ANLN: variants seen among roughly 807,000 people sequenced by gnomAD.
The protein encoded by ANLN is anillin, actin binding protein.
A neutral mutation model predicts 135.1 loss-of-function variants in ANLN; 59 were observed. That is an observed-to-expected ratio of 0.44 (90% CI 0.35 to 0.54). The LOEUF is 0.54. Among genes scored for constraint, ANLN ranks in the 20% least tolerant of loss-of-function variants. The probability of loss-of-function intolerance (pLI) is 0.00; values close to 1 mark genes in which losing one functional copy is unlikely to be tolerated. For missense variants in ANLN, 1,182 were observed against 1,340.0 expected, an observed-to-expected ratio of 0.88 and a Z score of 1.84; for synonymous variants, 406 against 456.4, an observed-to-expected ratio of 0.89 and a Z score of 1.41.
chr7:36,399,582 T>A (rs1461771965), intron 3 of ANLN, among the ~76,000 whole-genome samples, 189 bp downstream of exon 3: 1 of 152,210 alleles, frequency 6.6e-6, no homozygotes. Context: ...CTGAAGTAGA[T>A]CACGATGTGG....
At chr7:36,401,219 TAGA>T (rs1012521037) in intron 3 of ANLN, among the ~76,000 whole-genome samples, 1 of 152,252 alleles carries the variant, frequency 6.6e-6, no homozygotes, top group African/African-American at 2.4e-5. Context: ...CTTCATTTTA[TAGA>T]AGAAGGAAAC....
chr7:36,393,916 G>T (rs939137936), intron 1 of ANLN, among the ~76,000 whole-genome samples: 1 of 152,350 alleles, frequency 6.6e-6, no homozygotes, highest in South Asian at 2.1e-4. Flanking sequence ...TTTTTTAAGT[G>T]TAGGGAGTTT....
intron 11 of ANLN, 112 bp from the exon 12 acceptor site, chr7:36,420,485 A>T: frequency 7.9e-7 from 1 of 1,266,014 alleles, no homozygotes; most frequent in Non-Finnish European, 1.1e-6. Flanking sequence ...CTGTTGTGAA[A>T]TGTTCTGCTG....
At position 36,449,780 on chromosome 7, in the gene ANLN, GAGA is replaced by G; in HGVS notation, c.3198_3200del (p.Glu1066del). 1 of 1,614,090 alleles carries G rather than the reference GAGA, an allele frequency of 6.2e-7. No homozygotes were observed. Among genetic ancestry groups the G allele is most frequent in the Non-Finnish European group, 8.5e-7 (1 of 1,179,968 alleles). ...GAATTAATTACTGTCCGACCACAAA[GAGA>G]AGATGACCGAGAGACTCTTGTCAGC... is the stretch of plus-strand genomic sequence containing the variant. On this transcript the variant is annotated inframe_deletion, in exon 23 of 24. Transcript: ENST00000265748.
At chr7:36,412,964 C>CT (rs141631411) in intron 7 of ANLN, among the ~76,000 whole-genome samples, 18,127 of 152,154 alleles carry the variant, frequency 0.12, 1,131 homozygotes, top group East Asian at 0.19. Flanking sequence ...AAGTGTCCCA[C>CT]TTTTTTTCAC....
intron 11 of ANLN, 35 bp from the exon 12 acceptor site, chr7:36,420,562 T>A (rs1187023882): frequency 1.3e-6 from 2 of 1,576,090 alleles, no homozygotes; most frequent in Non-Finnish European, 1.7e-6. Flanking sequence ...AGTGTGTTGC[T>A]GGATTTCTAA....
At chr7:36,431,466 C>A (rs971025005) in intron 20 of ANLN, among the ~76,000 whole-genome samples, 3 of 151,194 alleles carry the variant, frequency 2.0e-5, no homozygotes, top group Non-Finnish European at 2.9e-5. Context: ...ACACTTCCAT[C>A]TTCCTTTCTA....
At chr7:36,437,821 G>T (rs1788608993) in intron 20 of ANLN, among the ~76,000 whole-genome samples, 1 of 151,792 alleles carries the variant, frequency 6.6e-6, no homozygotes, top group Admixed American at 6.6e-5. Flanking sequence ...GCCCAGGCTG[G>T]AGTGCAATGG....
At chr7:36,409,124 G>T (rs544452350) in intron 5 of ANLN, among the ~76,000 whole-genome samples, 9 of 152,280 alleles carry the variant, frequency 5.9e-5, no homozygotes, top group African/African-American at 2.2e-4. Context: ...GATGGAATAG[G>T]ACTAGTTAGT....
Position 36,419,311 on chromosome 7 carries a change from C to CCT in ANLN, c.1704_1705dup (p.Phe569SerfsTer6). On this transcript the variant is annotated frameshift_variant, in exon 10 of 24. Transcript: ENST00000265748. LOFTEE classifies it high-confidence loss of function. ...TCAATAGTTCGAAAGTAATTAATGA[C>CCT]CTCTTCAGTGATGTCCTAGAGGAAG... The CCT allele has an allele frequency of 6.2e-7, 1 of 1,613,962 alleles. No homozygotes were observed. Among genetic ancestry groups the CCT allele is most frequent in the Non-Finnish European group, 8.5e-7 (1 of 1,179,990 alleles).
chr7:36,439,127 A>G, intron 20 of ANLN, 77 bp from the exon 21 acceptor site: 1 of 871,678 alleles, frequency 1.1e-6, no homozygotes, highest in Non-Finnish European at 1.9e-6. Flanking sequence ...GTCTCTGTTC[A>G]TGATTTATAC....
intron 11 of ANLN, 54 bp from the exon 12 acceptor site, chr7:36,420,543 A>G: frequency 3.4e-6 from 5 of 1,463,550 alleles, no homozygotes; most frequent in East Asian, 2.3e-5. Flanking sequence ...TCAATAAAGG[A>G]TAGTGCTCAG....
rs1286386000 is a variant in ANLN at position 36,419,425 on chromosome 7, C to T, written c.1815C>T (p.Ser605=). 3.7e-6 allele frequency: 6 copies of T among 1,614,094 alleles called. No individual in the cohort carries two copies. The highest frequency in any genetic ancestry group is 4.2e-6 in the Non-Finnish European group (5 of 1,180,008). ...SEEQEDALNI[S]SMSLLAPLAQ... is the part of the protein sequence containing the mutation. ...AACAGGAAGATGCACTGAATATCTC[C>T]TCAATGTCTTTACTTGCACCATTGG... Residue 605 remains serine (S), a synonymous_variant, in exon 10 of 24, where the codon TCC becomes TCT. Coordinates refer to ENST00000265748, the MANE Select transcript of ANLN (RefSeq NM_018685.5).
chr7:36,427,746 ACTT>A (rs1788145250), intron 20 of ANLN, among the ~76,000 whole-genome samples: 2 of 152,228 alleles, frequency 1.3e-5, no homozygotes, highest in Admixed American at 6.5e-5. Context: ...TTAGAAAAGT[ACTT>A]ACGAATCTAA....
chr7:36,415,714 A>T lies in ANLN; in HGVS notation c.1396-44A>T, dbSNP rs199798944. 1.5e-5 allele frequency: 23 copies of T among 1,522,310 alleles called. No individual in the cohort carries two copies. The African/African-American group carries it at 3.1e-4, about 20-fold the overall frequency. The allele number at this position is 1,522,310 out of a possible 1,614,324, so 94.3% of individuals were successfully genotyped here. ...TTAATAACATAGAAAGATAAAATAT[A>T]TAGTTTTGAGAAATAAAATTTACTT... is the stretch of plus-strand genomic sequence containing the variant. On this transcript the variant is annotated intron_variant, in intron 7 of 23. Transcript: ENST00000265748.
intron 20 of ANLN, among the ~76,000 whole-genome samples, chr7:36,434,380 T>C (rs535629237): frequency 6.6e-6 from 1 of 152,278 alleles, no homozygotes; most frequent in African/African-American, 2.4e-5. Flanking sequence ...TTGGGGAGAA[T>C]TGGCAGGTAG....
intron 20 of ANLN, among the ~76,000 whole-genome samples, chr7:36,436,117 A>G (rs1439676887): frequency 6.6e-6 from 1 of 152,096 alleles, no homozygotes; most frequent in Non-Finnish European, 1.5e-5. Flanking sequence ...GTCTTTGCCC[A>G]TCTTCCCTCC....
chr7:36,443,897 C>T, intron 22 of ANLN, 35 bp downstream of exon 22: 1 of 1,448,882 alleles, frequency 6.9e-7, no homozygotes, highest in African/African-American at 1.4e-5. Context: ...GGTGAAAGCC[C>T]TGATTGACTT....
In ANLN at chr7:36,425,547, G is replaced by A. The variant is rs1308179069; in HGVS notation, c.2710-155G>A. Reference sequence around the variant, plus strand: ...TTGACCTCATGATCCGCCCGCCTCAGCCTCCCAAAGTGATGGGATTACAGG... The same window carrying A: ...TTGACCTCATGATCCGCCCGCCTCAACCTCCCAAAGTGATGGGATTACAGG... On this transcript the variant is annotated intron_variant, in intron 17 of 23. Transcript: ENST00000265748. Among the ~76,000 whole-genome samples the A allele has an allele frequency of 2.6e-5, 4 of 151,992 alleles. No homozygotes were observed. The East Asian group carries it at 7.7e-4, about 29-fold the overall frequency.
Sources: allele counts gnomAD v4.1 joint callset (sites outside exome capture counted in the v4.1 genomes callset), GRCh38; gene constraint gnomAD v4.1.1; transcripts MANE v1.5; gene names NCBI Gene and HGNC (gene_info 2026-07-23, HGNC 2026-07-21).